Variants in MACROD2 observed in about 807,000 individuals in gnomAD.
MACROD2 encodes the protein ADP-ribose glycohydrolase MACROD2.
MACROD2 carries 36 observed loss-of-function variants against 70.4 expected under a neutral mutation model. The observed-to-expected ratio is 0.51, with a 90% CI of 0.39 to 0.68. The LOEUF (loss-of-function observed/expected upper bound fraction) is 0.68. Among genes scored for constraint, MACROD2 ranks in the 30% least tolerant of loss-of-function variants. The pLI is 0.00. For synonymous variants in MACROD2, 172 were observed against 178.8 expected (o/e 0.96, Z 0.30); for missense variants, 496 against 538.4 (o/e 0.92, Z 0.78).
intron 4 of MACROD2, among the ~76,000 whole-genome samples, chr20:14,675,131 C>T (rs567124122): frequency 6.6e-6 from 1 of 152,294 alleles, no homozygotes; most frequent in South Asian, 2.1e-4. Flanking sequence ...AAGCACTCTT[C>T]AGGATATTAT....
intron 8 of MACROD2, among the ~76,000 whole-genome samples, chr20:15,775,981 G>C (rs1044673469): frequency 2.6e-5 from 4 of 152,170 alleles, no homozygotes; most frequent in African/African-American, 9.6e-5. Context: ...TGGAATTCCA[G>C]GCCTGATATG....
chr20:15,438,675 T>C (rs1249907188), intron 7 of MACROD2, among the ~76,000 whole-genome samples: 4 of 152,200 alleles, frequency 2.6e-5, no homozygotes, highest in Non-Finnish European at 2.9e-5. Context: ...CTTCCTCATG[T>C]TGCTCCATAG....
intron 5 of MACROD2, among the ~76,000 whole-genome samples, chr20:15,104,579 A>G (rs553416177): frequency 2.5e-4 from 38 of 152,310 alleles, no homozygotes; most frequent in Middle Eastern, 3.4e-3. Flanking sequence ...TCAGCAGGTA[A>G]TTTGGACAGC....
chr20:15,384,630 A>G (rs920075978), intron 6 of MACROD2, among the ~76,000 whole-genome samples: 1 of 152,154 alleles, frequency 6.6e-6, no homozygotes, highest in Non-Finnish European at 1.5e-5. Context: ...AGCTCCTACT[A>G]TATGCCGGGT....
intron 8 of MACROD2, among the ~76,000 whole-genome samples, chr20:15,805,318 T>C (rs551869880): frequency 9.9e-5 from 15 of 152,230 alleles, no homozygotes; most frequent in African/African-American, 3.6e-4. Flanking sequence ...TGATCCTCGC[T>C]TTTGTCTACA....
intron 3 of MACROD2, among the ~76,000 whole-genome samples, chr20:14,441,429 C>T (rs2084121945): frequency 6.6e-6 from 1 of 152,114 alleles, no homozygotes; most frequent in Non-Finnish European, 1.5e-5. Context: ...GAGTTTTAAG[C>T]CTCTACATTT....
intron 17 of MACROD2, 73 bp downstream of exon 17, chr20:16,044,712 A>G (rs761089165): frequency 4.9e-6 from 7 of 1,418,034 alleles, no homozygotes; most frequent in Non-Finnish European, 7.0e-6. Flanking sequence ...GACATACTGG[A>G]TTTCCCTTGG....
At chr20:15,220,782 TCTC>T (rs2145965200) in intron 5 of MACROD2, among the ~76,000 whole-genome samples, 1 of 151,792 alleles carries the variant, frequency 6.6e-6, no homozygotes, top group South Asian at 2.1e-4. Flanking sequence ...TGGGGGGGGC[TCTC>T]CAGAAATGGG....
chr20:14,743,202 A>G (rs980462680), intron 5 of MACROD2, among the ~76,000 whole-genome samples: 1 of 152,182 alleles, frequency 6.6e-6, no homozygotes, highest in Admixed American at 6.5e-5. Flanking sequence ...CAGCTTTCCA[A>G]TAACATATTG....
Position 14,989,128 on chromosome 20 carries a change from T to C in MACROD2, c.419-240812T>C, listed in dbSNP as rs541096978. On this transcript the variant is annotated intron_variant, in intron 5 of 17. Transcript: ENST00000684519. ...AAGTATGTTACCATATAGCGACATA[T>C]AGAATTTTAGCTTTTTTGGAAACAA... Among the ~76,000 whole-genome samples the C allele has an allele frequency of 7.5e-4, 115 of 152,322 alleles. 1 individual carries two copies. Among genetic ancestry groups the C allele is most frequent in the African/African-American group, 2.6e-3 (108 of 41,582 alleles).
rs1279032174 is a variant in MACROD2, at chr20:15,744,480, T to C, written c.646-118265T>C. On this transcript the variant is annotated intron_variant, in intron 8 of 17. Coordinates refer to ENST00000684519, the MANE Select transcript of MACROD2 (RefSeq NM_001351661.2). ...CTGGCAGAGTTATACTTGCTGTACT[T>C]GCAGTTACCAAATTTAAATGCCTTC... Among the ~76,000 whole-genome samples the C allele has an allele frequency of 3.9e-5, 6 of 152,152 alleles. 1 individual carries two copies. The highest frequency in any genetic ancestry group is 2.6e-4 in the Admixed American group (4 of 15,274).
chr20:14,251,828 G>T (rs2082015106), intron 3 of MACROD2, among the ~76,000 whole-genome samples: 1 of 152,000 alleles, frequency 6.6e-6, no homozygotes, highest in Non-Finnish European at 1.5e-5. Context: ...GGTCTAGAAT[G>T]GTTAAAAACC....
chr20:15,263,553 T>C (rs2077267518), intron 6 of MACROD2, among the ~76,000 whole-genome samples: 1 of 152,074 alleles, frequency 6.6e-6, no homozygotes, highest in African/African-American at 2.4e-5. Flanking sequence ...ATTTTTTATC[T>C]ATTTCTGTGA....
chr20:14,618,813 C>T (rs771325183), intron 4 of MACROD2, among the ~76,000 whole-genome samples: 1 of 152,106 alleles, frequency 6.6e-6, no homozygotes, highest in Non-Finnish European at 1.5e-5. Flanking sequence ...GAAAAGGAGA[C>T]AATGAGATGC....
At chr20:15,265,903 G>C (rs1481533911) in intron 6 of MACROD2, among the ~76,000 whole-genome samples, 1 of 152,094 alleles carries the variant, frequency 6.6e-6, no homozygotes, top group African/African-American at 2.4e-5. Flanking sequence ...ACCCTCAATA[G>C]CTTAATAAAT....
intron 5 of MACROD2, among the ~76,000 whole-genome samples, chr20:14,787,459 A>G (rs1035406869): frequency 6.6e-6 from 1 of 152,128 alleles, no homozygotes; most frequent in Non-Finnish European, 1.5e-5. Context: ...ATATGAAGTC[A>G]GAGCGAAGGT....
chr20:14,182,028 C>T (rs1433397017), intron 3 of MACROD2, among the ~76,000 whole-genome samples: 1 of 152,166 alleles, frequency 6.6e-6, no homozygotes, highest in Non-Finnish European at 1.5e-5. Context: ...CTGTCATGTG[C>T]TAACTCTATG....
chr20:15,446,391 T>G (rs2146384302), intron 7 of MACROD2, among the ~76,000 whole-genome samples: 1 of 152,334 alleles, frequency 6.6e-6, no homozygotes, highest in Admixed American at 6.5e-5. Context: ...GGATTTTTGT[T>G]CTTGTTGAAA....
At chr20:15,681,095 C>T (rs6043434) in intron 8 of MACROD2, among the ~76,000 whole-genome samples, 3,683 of 152,234 alleles carry the variant, frequency 0.024, 147 homozygotes, top group African/African-American at 0.083. Context: ...GAAGTGAAAA[C>T]GTCCACTCCA....
Sources: allele counts gnomAD v4.1 joint callset (sites outside exome capture counted in the v4.1 genomes callset), GRCh38; gene constraint gnomAD v4.1.1; transcripts MANE v1.5; gene names NCBI Gene and HGNC (gene_info 2026-07-23, HGNC 2026-07-21).